The following TNFSF13B variants were observed in gnomAD, a reference collection of about 807,000 sequenced individuals.
TNFSF13B encodes the protein TNF superfamily member 13b, also known as tumor necrosis factor ligand superfamily member 13B.
Under a neutral mutation model 29.1 loss-of-function variants are expected in TNFSF13B, and 8 were observed. The ratio of observed to expected loss-of-function variants is 0.27; its 90% confidence interval spans 0.16 to 0.50. The LOEUF (loss-of-function observed/expected upper bound fraction) is 0.50, where lower values mean the gene tolerates loss of function less well. TNFSF13B is among the 20% of genes least tolerant of loss of function. The pLI, the probability that TNFSF13B is intolerant of heterozygous loss-of-function variation, is 0.98. For missense variants in TNFSF13B, 248 were observed against 334.9 expected (o/e 0.74, Z 2.03); for synonymous variants, 125 against 130.8 (o/e 0.96, Z 0.30).
intron 2 of TNFSF13B, among the ~76,000 whole-genome samples, chr13:108,282,380 G>A (rs916784868): frequency 6.6e-6 from 1 of 152,186 alleles, no homozygotes; most frequent in Non-Finnish European, 1.5e-5. Context: ...AATGGATTCA[G>A]TTCCAGTACA....
At chr13:108,278,070 A>T (rs1211434667) in intron 2 of TNFSF13B, among the ~76,000 whole-genome samples, 1 of 152,148 alleles carries the variant, frequency 6.6e-6, no homozygotes, top group Non-Finnish European at 1.5e-5. Context: ...TGTCAAACTC[A>T]TGGTTTGACA....
intron 2 of TNFSF13B, among the ~76,000 whole-genome samples, chr13:108,281,877 T>A (rs1324077287): frequency 6.6e-6 from 1 of 152,192 alleles, no homozygotes; most frequent in Admixed American, 6.5e-5. Context: ...TCTTCATAAG[T>A]CTTTGTCAAA....
At chr13:108,282,021 A>ATAACT (rs1880972162) in intron 2 of TNFSF13B, among the ~76,000 whole-genome samples, 1 of 152,198 alleles carries the variant, frequency 6.6e-6, no homozygotes, top group Non-Finnish European at 1.5e-5. Flanking sequence ...TTACCAAATG[A>ATAACT]TAAGTTTTGC....
rs747586417 is a variant in TNFSF13B at position 108,302,772 on chromosome 13, G to T, written c.482-481G>T. 3 of 979,134 alleles carry T rather than the reference G, an allele frequency of 3.1e-6. No homozygotes were observed. The East Asian group carries it at 3.4e-4, about 111-fold the overall frequency. The allele number at this position is 979,134 out of a possible 1,614,324, so 60.7% of individuals were successfully genotyped here. On this transcript the variant is annotated intron_variant, in intron 3 of 5. Transcript: ENST00000375887. ...TCTTAGTCACTTTCTTCTTTCTTCC[G>T]TAGGCTCCCTTCTGTTGCCACATTT...
At position 108,303,115 on chromosome 13, in the gene TNFSF13B, C is replaced by T. The variant is rs60613062; in HGVS notation, c.482-138C>T. On this transcript the variant is annotated intron_variant, in intron 3 of 5. Transcript: ENST00000375887. ...AGTAATGTGACTTGTATTCCTTTTT[C>T]CTTTTTTTTCTTTCTTTCTTTCTTT... is the stretch of plus-strand genomic sequence containing the variant. The T allele has an allele frequency of 4.1e-5, 28 of 684,472 alleles. No homozygotes were observed. The East Asian group carries it at 4.5e-4, about 11-fold the overall frequency. 42.4% of individuals were successfully genotyped at this position (684,472 alleles called of 1,614,324 possible).
intron 2 of TNFSF13B, among the ~76,000 whole-genome samples, chr13:108,276,572 A>T (rs1010411923): frequency 4.7e-5 from 7 of 149,840 alleles, no homozygotes; most frequent in African/African-American, 1.7e-4. Flanking sequence ...ACATATAGTT[A>T]ATTAGCAAAT....
intron 2 of TNFSF13B, among the ~76,000 whole-genome samples, chr13:108,285,620 C>T (rs1207330038): frequency 2.0e-5 from 3 of 152,176 alleles, no homozygotes; most frequent in Non-Finnish European, 4.4e-5. Flanking sequence ...GAACCACCAT[C>T]AGATATGCAG....
chr13:108,281,256 A>T (rs1379346220), intron 2 of TNFSF13B, among the ~76,000 whole-genome samples: 2 of 152,152 alleles, frequency 1.3e-5, no homozygotes, highest in Non-Finnish European at 2.9e-5. Context: ...AAAAAGAAAA[A>T]GAAAGAAAAG....
At chr13:108,296,761 G>T (rs1881467810) in intron 3 of TNFSF13B, among the ~76,000 whole-genome samples, 1 of 142,724 alleles carries the variant, frequency 7.0e-6, no homozygotes, top group African/African-American at 2.6e-5. Context: ...ATTTCTTTTT[G>T]TGCATTTTTA....
chr13:108,272,785 A>C (rs957367598), intron 2 of TNFSF13B, among the ~76,000 whole-genome samples: 1 of 152,024 alleles, frequency 6.6e-6, no homozygotes, highest in African/African-American at 2.4e-5. Flanking sequence ...AGGATCCTTC[A>C]ATCTCCTTAA....
chr13:108,280,153 G>T (rs1880894654), intron 2 of TNFSF13B, among the ~76,000 whole-genome samples: 1 of 148,166 alleles, frequency 6.7e-6, no homozygotes, highest in African/African-American at 2.5e-5. Flanking sequence ...TGAAATGAAT[G>T]AGAGATGGAA....
intron 3 of TNFSF13B, among the ~76,000 whole-genome samples, chr13:108,293,157 ACAT>A (rs1408504519): frequency 6.6e-6 from 1 of 152,120 alleles, no homozygotes; most frequent in Non-Finnish European, 1.5e-5. Flanking sequence ...AGTTGTCCCA[ACAT>A]CATTTGTTGA....
rs144320280 is a variant in TNFSF13B, at chr13:108,285,687, A to G, written c.425-1116A>G. Among the ~76,000 whole-genome samples the G allele has an allele frequency of 1.6e-4, 24 of 152,310 alleles. No individual in the cohort carries two copies. In the East Asian group the frequency reaches 3.9e-3, roughly 25 times the overall value. Reference sequence around the variant, plus strand: ...TGACTGTATTAGAAATTTTTCAGCTAATCTCCATACAATCACCAACTAGTC... The same window carrying G: ...TGACTGTATTAGAAATTTTTCAGCTGATCTCCATACAATCACCAACTAGTC... On this transcript the variant is annotated intron_variant, in intron 2 of 5. Transcript: ENST00000375887.
intron 3 of TNFSF13B, among the ~76,000 whole-genome samples, chr13:108,291,940 A>G (rs927655289): frequency 2.7e-4 from 41 of 152,108 alleles, no homozygotes; most frequent in African/African-American, 4.8e-5. Context: ...TCTAAATGCT[A>G]AATACTAGGG....
chr13:108,277,752 A>G (rs1419717837), intron 2 of TNFSF13B, among the ~76,000 whole-genome samples: 1 of 152,148 alleles, frequency 6.6e-6, no homozygotes, highest in Non-Finnish European at 1.5e-5. Flanking sequence ...ACTTCCTGAC[A>G]TTGCCATGGC....
intron 2 of TNFSF13B, among the ~76,000 whole-genome samples, chr13:108,284,199 G>C (rs1038304570): frequency 6.6e-6 from 1 of 152,124 alleles, no homozygotes; most frequent in Non-Finnish European, 1.5e-5. Context: ...CATGGTGGCG[G>C]GCACCTGTAG....
At chr13:108,302,088 C>T (rs1881642996) in intron 3 of TNFSF13B, among the ~76,000 whole-genome samples, 2 of 152,154 alleles carry the variant, frequency 1.3e-5, no homozygotes, top group African/African-American at 4.8e-5. Context: ...TGAAAACCCA[C>T]AGGAAAAAAT....
At chr13:108,281,940 T>C (rs1185733155) in intron 2 of TNFSF13B, among the ~76,000 whole-genome samples, 2 of 152,228 alleles carry the variant, frequency 1.3e-5, no homozygotes, top group Non-Finnish European at 2.9e-5. Context: ...GTTAACATTT[T>C]TCTGCCACTG....
At chr13:108,294,560 T>A (rs145219255) in intron 3 of TNFSF13B, among the ~76,000 whole-genome samples, 274 of 152,180 alleles carry the variant, frequency 1.8e-3, no homozygotes, top group African/African-American at 5.9e-3. Flanking sequence ...ATTTTTTTTT[T>A]AATTTCCAGC....
Sources: allele counts gnomAD v4.1 joint callset (sites outside exome capture counted in the v4.1 genomes callset), GRCh38; gene constraint gnomAD v4.1.1; transcripts MANE v1.5; gene names NCBI Gene and HGNC (gene_info 2026-07-23, HGNC 2026-07-21).